The following SORCS2 variants were observed in gnomAD, a reference collection of about 807,000 sequenced individuals.
The protein encoded by SORCS2 is VPS10 domain-containing receptor SorCS2.
Under a neutral mutation model 141.6 loss-of-function variants are expected in SORCS2, and 100 were observed. The ratio of observed to expected loss-of-function variants is 0.71; its 90% confidence interval spans 0.60 to 0.83. The LOEUF is 0.83. Among genes scored for constraint, SORCS2 ranks in the 40% least tolerant of loss-of-function variants. The pLI is 0.00. For missense variants in SORCS2, 1,646 were observed against 1,560.2 expected (o/e 1.05, Z -0.93); for synonymous variants, 789 against 676.9 (o/e 1.17, Z -2.57).
chr4:7,486,118 C>A (rs967002684), intron 2 of SORCS2, among the ~76,000 whole-genome samples: 2 of 152,162 alleles, frequency 1.3e-5, no homozygotes, highest in African/African-American at 4.8e-5. Context: ...CTGTTGGTTG[C>A]TGGAGCCCCT....
chr4:7,556,932 C>CATCCATCCACCCACTCACTCACAT (rs1714175843), intron 3 of SORCS2, among the ~76,000 whole-genome samples: 2 of 149,056 alleles, frequency 1.3e-5, no homozygotes, highest in Non-Finnish European at 3.0e-5. Flanking sequence ...CCCACCCACC[C>CATCCATCCACCCACTCACTCACAT]ATCCATCCAC....
intron 3 of SORCS2, among the ~76,000 whole-genome samples, chr4:7,588,693 C>T (rs190626325): frequency 1.3e-5 from 2 of 152,142 alleles, no homozygotes; most frequent in Non-Finnish European, 2.9e-5. Flanking sequence ...GTTGGACATA[C>T]CTTCAAGGAA....
At chr4:7,718,705 C>G (rs770575104) in intron 18 of SORCS2, among the ~76,000 whole-genome samples, 57 of 152,294 alleles carry the variant, frequency 3.7e-4, no homozygotes, top group Non-Finnish European at 7.1e-4. Flanking sequence ...TCCCAGCCTC[C>G]CAGGCTTGCT....
intron 2 of SORCS2, among the ~76,000 whole-genome samples, chr4:7,494,660 C>A (rs184623622): frequency 3.9e-5 from 6 of 152,370 alleles, no homozygotes; most frequent in African/African-American, 1.4e-4. Flanking sequence ...GGGGTTAGGG[C>A]CTCAGCATGT....
intron 20 of SORCS2, 42 bp from the exon 21 acceptor site, chr4:7,726,738 C>T (rs1727244413): frequency 6.2e-7 from 1 of 1,601,138 alleles, no homozygotes; most frequent in Non-Finnish European, 8.5e-7. Context: ...ACGGCCGCTG[C>T]CTCACTCGGC....
intron 2 of SORCS2, among the ~76,000 whole-genome samples, chr4:7,528,609 A>G (rs560175612): frequency 1.9e-3 from 288 of 152,056 alleles, no homozygotes; most frequent in Non-Finnish European, 3.3e-3. Context: ...TATTTTTAGT[A>G]GAGACGAGGT....
At chr4:7,657,914 A>G (rs1312397271) in intron 5 of SORCS2, among the ~76,000 whole-genome samples, 1 of 147,312 alleles carries the variant, frequency 6.8e-6, no homozygotes, top group Non-Finnish European at 1.5e-5. Context: ...GAGTGAGTCT[A>G]TGGTTGAGTG....
chr4:7,324,067 T>TG (rs1269487179), intron 1 of SORCS2, among the ~76,000 whole-genome samples: 1 of 152,188 alleles, frequency 6.6e-6, no homozygotes, highest in African/African-American at 2.4e-5. Flanking sequence ...GCCAGGGTCT[T>TG]GCAGGCTTGG....
chr4:7,373,478 ATTTT>A (rs71173496), intron 1 of SORCS2, among the ~76,000 whole-genome samples: 1 of 36,810 alleles, frequency 2.7e-5, no homozygotes, highest in African/African-American at 1.6e-4. Context: ...ATATATATAT[ATTTT>A]TTTTTTTTTT....
chr4:7,540,774 C>A (rs181127808), intron 3 of SORCS2, among the ~76,000 whole-genome samples: 11 of 152,186 alleles, frequency 7.2e-5, no homozygotes, highest in African/African-American at 2.7e-4. Flanking sequence ...GGCTTTCCGA[C>A]CCCCCTGCCC....
intron 1 of SORCS2, among the ~76,000 whole-genome samples, chr4:7,217,173 T>C (rs1220108515): frequency 1.3e-5 from 2 of 152,206 alleles, no homozygotes; most frequent in Admixed American, 1.3e-4. Flanking sequence ...ACCAGCCTCA[T>C]TGGGTCCCCT....
chr4:7,587,758 G>A (rs557234613), intron 3 of SORCS2, among the ~76,000 whole-genome samples: 2 of 152,280 alleles, frequency 1.3e-5, no homozygotes, highest in South Asian at 4.1e-4. Context: ...GCCCGTCAGG[G>A]ACTGTTTGCC....
intron 3 of SORCS2, among the ~76,000 whole-genome samples, chr4:7,540,193 TCCC>T (rs1712507174): frequency 1.7e-4 from 11 of 63,246 alleles, no homozygotes; most frequent in African/African-American, 6.7e-4. Context: ...TCCCTGCCCC[TCCC>T]TGCCCCTCCC....
chr4:7,521,794 T>C (rs1002884785), intron 2 of SORCS2, among the ~76,000 whole-genome samples: 1 of 152,210 alleles, frequency 6.6e-6, no homozygotes, highest in African/African-American at 2.4e-5. Context: ...TGAATACATG[T>C]ACCCTCAAGA....
intron 9 of SORCS2, among the ~76,000 whole-genome samples, chr4:7,680,138 G>A (rs964556283): frequency 1.3e-5 from 2 of 152,206 alleles, no homozygotes; most frequent in Non-Finnish European, 2.9e-5. Context: ...CATTCCCCGG[G>A]CCTCCCTTCA....
chr4:7,520,425 A>T (rs376486740), intron 2 of SORCS2, among the ~76,000 whole-genome samples: 1 of 152,096 alleles, frequency 6.6e-6, no homozygotes, highest in Non-Finnish European at 1.5e-5. Context: ...TTCCATCCCT[A>T]AGGTGTCAGT....
Position 7,385,723 on chromosome 4 carries a change from T to C in SORCS2, c.481-10565T>C, listed in dbSNP as rs576347576. On this transcript the variant is annotated intron_variant, in intron 1 of 26. Coordinates refer to ENST00000507866, the MANE Select transcript of SORCS2 (RefSeq NM_020777.3). ...CATGTGGTGAGGGACAGACGCCAGC[T>C]CCAGGCTCCTGCCTCGGGGGTATAA... Among the ~76,000 whole-genome samples, 84 of 152,328 alleles carry C rather than the reference T, an allele frequency of 5.5e-4. 1 individual carries two copies. The South Asian group carries it at 0.016, about 29-fold the overall frequency.
At chr4:7,282,122 G>T (rs1156392736) in intron 1 of SORCS2, among the ~76,000 whole-genome samples, 1 of 152,196 alleles carries the variant, frequency 6.6e-6, no homozygotes, top group Non-Finnish European at 1.5e-5. Context: ...ACGGAACTCA[G>T]CCCCGGGCCA....
chr4:7,625,209 T>C (rs73216655), intron 3 of SORCS2, among the ~76,000 whole-genome samples: 1,790 of 152,258 alleles, frequency 0.012, 13 homozygotes, highest in Middle Eastern at 0.017. Flanking sequence ...TGTAATCGTG[T>C]TTGAGTGGCT....
Sources: gnomAD v4.1 joint callset for allele counts (sites outside exome capture counted in the v4.1 genomes callset) on GRCh38, gnomAD v4.1.1 for gene constraint, MANE v1.5 for transcripts, NCBI Gene and HGNC (gene_info 2026-07-23, HGNC 2026-07-21) for gene names.